The following HDAC2 variants were observed in gnomAD, a reference collection of about 807,000 sequenced individuals.
HDAC2 encodes YY1-associated factor 1.
In HDAC2, 5 loss-of-function variants were observed where a neutral mutation model predicts 68.5. The observed-to-expected ratio is 0.07, with a 90% CI of 0.04 to 0.15. The LOEUF (loss-of-function observed/expected upper bound fraction) is 0.15. HDAC2 is among the 10% of genes least tolerant of loss of function. The pLI is 1.00. For synonymous variants in HDAC2, 182 were observed against 191.3 expected (o/e 0.95, Z 0.40); for missense variants, 291 against 600.8 (o/e 0.48, Z 5.39).
intron 8 of HDAC2, chr6:113,948,011 A>C (rs1776303711): frequency 6.6e-6 from 1 of 152,192 alleles, no homozygotes; most frequent in South Asian, 2.1e-4. Flanking sequence ...TCATGATAAA[A>C]ATCATTTCTA....
chr6:113,959,330 A>G (rs971483749), intron 2 of HDAC2, among the ~76,000 whole-genome samples: 6 of 152,066 alleles, frequency 3.9e-5, no homozygotes, highest in African/African-American at 9.7e-5. Context: ...ATTGCCTAGC[A>G]TTAATTGTTT....
intron 10 of HDAC2, 147 bp from the exon 11 acceptor site, chr6:113,944,557 T>C (rs527704246): frequency 1.1e-4 from 73 of 659,636 alleles, no homozygotes; most frequent in Non-Finnish European, 1.6e-4. Flanking sequence ...CAGACTAGAG[T>C]GCAGTGGCAA....
At chr6:113,949,297 C>A (rs749498141) in intron 6 of HDAC2, 37 bp from the exon 7 acceptor site, 2 of 1,273,014 alleles carry the variant, frequency 1.6e-6, no homozygotes, top group Non-Finnish European at 2.3e-6. Flanking sequence ...AGAGAATATT[C>A]TATAATAAAA....
chr6:113,940,610 C>T lies in HDAC2; in HGVS notation c.*448G>A, dbSNP rs909369367. ...AAACAGCAAATAGTTATCTTTCAAGCTGTAATCATTATCTTTCACCTAGAG... is the reference window on the plus strand; with the variant it reads ...AAACAGCAAATAGTTATCTTTCAAGTTGTAATCATTATCTTTCACCTAGAG... On this transcript the variant is annotated 3_prime_UTR_variant, in exon 14 of 14. Coordinates refer to ENST00000519065, the MANE Select transcript of HDAC2 (RefSeq NM_001527.4). 6.4e-6 allele frequency: 1 copy of T among 155,708 alleles called. No individual in the cohort carries two copies. Among genetic ancestry groups the T allele is most frequent in the Non-Finnish European group, 1.4e-5 (1 of 70,376 alleles). The allele number at this position is 155,708 out of a possible 1,614,324, so 9.6% of individuals were successfully genotyped here.
intron 6 of HDAC2, among the ~76,000 whole-genome samples, chr6:113,949,525 A>G (rs937086323): frequency 2.9e-3 from 14 of 4,904 alleles, no homozygotes; most frequent in African/African-American, 7.1e-3. Context: ...GACAGAAAAG[A>G]AATTTAACAC....
intron 1 of HDAC2, among the ~76,000 whole-genome samples, chr6:113,963,426 C>A (rs1776738461): frequency 6.6e-6 from 1 of 152,114 alleles, no homozygotes; most frequent in South Asian, 2.1e-4. Flanking sequence ...GTTTTAAGAC[C>A]CTACAATTTT....
rs1180295856 is a variant in HDAC2 at position 113,935,955 on chromosome 6, C to A, written c.*5103G>T. On this transcript the variant is annotated 3_prime_UTR_variant, in exon 14 of 14. Transcript: ENST00000519065. ...TCCTAGAAATAAATTTCAATTCTTT[C>A]CCATTCTGTATACTAACTGATTCTT... 4.6e-5 allele frequency: 7 copies of A among 152,174 alleles called. No individual in the cohort carries two copies. Among genetic ancestry groups the A allele is most frequent in the Admixed American group, 4.6e-4 (7 of 15,286 alleles). 9.4% of individuals were successfully genotyped at this position (152,174 alleles called of 1,614,324 possible).
chr6:113,958,916 A>G (rs891557036), intron 2 of HDAC2, 150 bp from the exon 3 acceptor site: 42 of 680,376 alleles, frequency 6.2e-5, no homozygotes, highest in East Asian at 2.6e-4. Flanking sequence ...ACCCAAACTT[A>G]TATGTGTTTT....
intron 5 of HDAC2, among the ~76,000 whole-genome samples, chr6:113,954,286 A>T (rs1007615835): frequency 2.6e-5 from 4 of 152,242 alleles, no homozygotes; most frequent in Non-Finnish European, 5.9e-5. Context: ...TGTGCTAAAT[A>T]AAACAATACA....
At position 113,951,140 on chromosome 6, in the gene HDAC2, T is replaced by TG. The variant is rs3837007; in HGVS notation, c.640-1881dup. 1.5e-3 allele frequency among the ~76,000 whole-genome samples: 227 copies of TG among 152,346 alleles called. 3 individuals are homozygous for TG. In the East Asian group the frequency reaches 0.035, roughly 24 times the overall value. On this transcript the variant is annotated intron_variant, in intron 6 of 13. Transcript: ENST00000519065. ...GCTGGCAACTCAGAGCTGCTGCCCT[T>TG]GTTAGACATAGCTTTCTCTCTTCCA...
chr6:113,948,872 A>G, intron 8 of HDAC2, 107 bp downstream of exon 8: 2 of 1,190,030 alleles, frequency 1.7e-6, no homozygotes, highest in Non-Finnish European at 1.2e-6. Flanking sequence ...TGCAGAGTAC[A>G]GTGTTAAAAC....
In HDAC2 at chr6:113,940,390, T is replaced by G. The variant is rs1336518401; in HGVS notation, c.*668A>C. ...TCAGTTTCTTCTTTCAATTCAGAAT[T>G]TCCATTTCAATTTTGAGAATCTTTG... On this transcript the variant is annotated 3_prime_UTR_variant, in exon 14 of 14. Transcript: ENST00000519065. 6.6e-6 allele frequency: 1 copy of G among 152,198 alleles called. No homozygotes were observed. Among genetic ancestry groups the G allele is most frequent in the Non-Finnish European group, 1.5e-5 (1 of 68,036 alleles). 9.4% of individuals were successfully genotyped at this position (152,198 alleles called of 1,614,324 possible).
At chr6:113,965,326 T>C (rs1437034917) in intron 1 of HDAC2, among the ~76,000 whole-genome samples, 1 of 152,132 alleles carries the variant, frequency 6.6e-6, no homozygotes, top group Admixed American at 6.5e-5. Flanking sequence ...TCTTCCCTTT[T>C]CTGATTACAC....
intron 5 of HDAC2, among the ~76,000 whole-genome samples, chr6:113,954,767 T>G (rs1390570495): frequency 1.3e-5 from 2 of 152,186 alleles, no homozygotes; most frequent in African/African-American, 2.4e-5. Context: ...ATAGCATGCA[T>G]GGAATAACTA....
At position 113,966,877 on chromosome 6, in the gene HDAC2, T is replaced by C. The variant is rs556833353; in HGVS notation, c.52+3980A>G. ...TTCAGTCTTATTTAGTCATGTTTTA[T>C]TGTGCAATTAGTATTACTGGTATTT... On this transcript the variant is annotated intron_variant, in intron 1 of 13. Transcript: ENST00000519065. Among the ~76,000 whole-genome samples the C allele has an allele frequency of 1.1e-4, 16 of 152,352 alleles. No homozygotes were observed. In the South Asian group the frequency reaches 1.7e-3, roughly 16 times the overall value.
Position 113,943,353 on chromosome 6 carries a change from G to GT in HDAC2, c.1375dup (p.Thr459AsnfsTer4). Reference sequence around the variant, plus strand: ...AATTACCAAGAAACAAATCTGACCTGTTTTTTTGTCCTCTGTTTCTTTCTT... The same window carrying GT: ...AATTACCAAGAAACAAATCTGACCTGTTTTTTTTGTCCTCTGTTTCTTTCTT... On this transcript the variant is annotated frameshift_variant, in exon 12 of 14. Coordinates refer to ENST00000519065, the MANE Select transcript of HDAC2 (RefSeq NM_001527.4). LOFTEE classifies it high-confidence loss of function. The GT allele has an allele frequency of 1.9e-6, 3 of 1,593,234 alleles. No homozygotes were observed. The highest frequency in any genetic ancestry group is 1.7e-6 in the Non-Finnish European group (2 of 1,173,410).
At chr6:113,946,197 T>C (rs376404146) in intron 8 of HDAC2, 49 bp from the exon 9 acceptor site, 487 of 1,489,422 alleles carry the variant, frequency 3.3e-4, no homozygotes, top group Non-Finnish European at 4.3e-4. Flanking sequence ...ACTGCAACAG[T>C]TCGAAAAATA....
At chr6:113,959,165 G>A (rs927214080) in intron 2 of HDAC2, among the ~76,000 whole-genome samples, 2 of 152,014 alleles carry the variant, frequency 1.3e-5, no homozygotes, top group East Asian at 1.9e-4. Context: ...ACGACCTCTC[G>A]TCCTTTTTTC....
rs1776256902 is a variant in HDAC2, at chr6:113,946,045, A to G, written c.945T>C (p.Tyr315=). The G allele has an allele frequency of 1.2e-6, 2 of 1,613,082 alleles. No individual in the cohort carries two copies. Among genetic ancestry groups the G allele is most frequent in the East Asian group, 2.2e-5 (1 of 44,858 alleles). The stretch of plus-strand genomic sequence containing the variant: ...CACAATCAAGGGCAACTGCAGTCTC[A>G]TATGTCCAACATCGAGCAACATTAC... ...TIRNVARCWT[Y]ETAVALDCEI... Residue 315 remains tyrosine (Y), a synonymous_variant, in exon 9 of 14, where the codon TAT becomes TAC. Coordinates refer to ENST00000519065, the MANE Select transcript of HDAC2 (RefSeq NM_001527.4).
Sources: allele counts gnomAD v4.1 joint callset (sites outside exome capture counted in the v4.1 genomes callset), GRCh38; gene constraint gnomAD v4.1.1; transcripts MANE v1.5; gene names NCBI Gene and HGNC (gene_info 2026-07-23, HGNC 2026-07-21).